Variants in HHLA2 observed in about 807,000 individuals in gnomAD.
The protein encoded by HHLA2 is HERV-H LTR-associating protein 2.
A neutral mutation model predicts 45.9 loss-of-function variants in HHLA2; 48 were observed. The ratio of observed to expected loss-of-function variants is 1.05; its 90% CI spans 0.83 to 1.33. The LOEUF (loss-of-function observed/expected upper bound fraction) is 1.33. Ranked by LOEUF, HHLA2 falls within the 40% of genes most tolerant of loss-of-function variation. The pLI is 0.00. For missense variants in HHLA2, 462 were observed against 494.3 expected (o/e 0.93, Z 0.62); for synonymous variants, 161 against 173.9 (o/e 0.93, Z 0.59).
intron 2 of HHLA2, among the ~76,000 whole-genome samples, chr3:108,317,324 C>T (rs1174859752): frequency 2.0e-5 from 3 of 152,152 alleles, no homozygotes; most frequent in Non-Finnish European, 4.4e-5. Context: ...ACACATTCTT[C>T]ACTATCCTCT....
intron 3 of HHLA2, among the ~76,000 whole-genome samples, chr3:108,342,086 T>C (rs2081581479): frequency 6.6e-6 from 1 of 152,188 alleles, no homozygotes; most frequent in South Asian, 2.1e-4. Context: ...AGTCGCGTCC[T>C]GCAACACAGC....
chr3:108,342,843 A>G (rs1015297031), intron 3 of HHLA2, among the ~76,000 whole-genome samples: 3 of 152,136 alleles, frequency 2.0e-5, no homozygotes, highest in Admixed American at 2.0e-4. Context: ...CTCAAACCTA[A>G]TGCTTTGAGA....
intron 2 of HHLA2, among the ~76,000 whole-genome samples, chr3:108,318,349 A>G (rs2081139426): frequency 1.3e-5 from 2 of 152,146 alleles, no homozygotes; most frequent in African/African-American, 4.8e-5. Flanking sequence ...GCCATGGATA[A>G]AATCCTAACT....
At chr3:108,356,622 T>G (rs2081898229) in intron 6 of HHLA2, among the ~76,000 whole-genome samples, 2 of 152,210 alleles carry the variant, frequency 1.3e-5, no homozygotes, top group Admixed American at 1.3e-4. Flanking sequence ...TCCTAATTTC[T>G]CATGTTCATT....
At chr3:108,323,404 G>A (rs527997232) in intron 2 of HHLA2, among the ~76,000 whole-genome samples, 8 of 152,096 alleles carry the variant, frequency 5.3e-5, no homozygotes, top group South Asian at 4.2e-4. Context: ...TATACCTACT[G>A]TGTACCCATA....
intron 3 of HHLA2, among the ~76,000 whole-genome samples, chr3:108,348,748 A>T (rs185269825): frequency 6.6e-6 from 1 of 152,132 alleles, no homozygotes; most frequent in Admixed American, 6.6e-5. Flanking sequence ...TGCTGCACCC[A>T]TCAACCCGTC....
At chr3:108,335,162 GT>G (rs1486575070) in intron 3 of HHLA2, among the ~76,000 whole-genome samples, 1 of 152,180 alleles carries the variant, frequency 6.6e-6, no homozygotes, top group East Asian at 1.9e-4. Context: ...AGATGTTTGA[GT>G]TTTAGATTCT....
chr3:108,365,303 T>G (rs957865814), intron 8 of HHLA2, among the ~76,000 whole-genome samples: 4 of 152,082 alleles, frequency 2.6e-5, no homozygotes, highest in African/African-American at 9.7e-5. Context: ...GATCGAATGG[T>G]TGTAGATGTG....
chr3:108,297,938 T>C (rs143008584), intron 1 of HHLA2, among the ~76,000 whole-genome samples: 1 of 152,366 alleles, frequency 6.6e-6, no homozygotes, highest in African/African-American at 2.4e-5. Context: ...GAGGTTGTCA[T>C]GTCAACTCTA....
At chr3:108,371,404 G>T (rs1218903923) in intron 8 of HHLA2, among the ~76,000 whole-genome samples, 4 of 152,212 alleles carry the variant, frequency 2.6e-5, no homozygotes, top group Non-Finnish European at 5.9e-5. Flanking sequence ...AGGCTAGGAA[G>T]AAACTGCATC....
intron 3 of HHLA2, among the ~76,000 whole-genome samples, chr3:108,341,477 T>A (rs1439473068): frequency 6.6e-6 from 1 of 152,194 alleles, no homozygotes. Context: ...ATTAAAAGTG[T>A]TTTTGCTACC....
chr3:108,367,357 T>C (rs1440554466), intron 8 of HHLA2, among the ~76,000 whole-genome samples: 1 of 152,052 alleles, frequency 6.6e-6, no homozygotes, highest in African/African-American at 2.4e-5. Context: ...GAGAAAGAGT[T>C]TGACAAATTG....
At chr3:108,345,590 G>A (rs1005756754) in intron 3 of HHLA2, among the ~76,000 whole-genome samples, 1 of 152,138 alleles carries the variant, frequency 6.6e-6, no homozygotes, top group African/African-American at 2.4e-5. Context: ...GTCACCAGCT[G>A]ACCCGTCTCC....
intron 7 of HHLA2, among the ~76,000 whole-genome samples, chr3:108,358,628 G>C (rs1026581292): frequency 3.3e-5 from 5 of 152,128 alleles, no homozygotes; most frequent in African/African-American, 1.2e-4. Flanking sequence ...TATATTCCTA[G>C]TTCAGTTCAT....
chr3:108,297,820 C>T (rs2080787551), intron 1 of HHLA2, among the ~76,000 whole-genome samples: 1 of 152,136 alleles, frequency 6.6e-6, no homozygotes, highest in Non-Finnish European at 1.5e-5. Context: ...TAGACCATAG[C>T]TTAATATTTT....
intron 3 of HHLA2, among the ~76,000 whole-genome samples, chr3:108,346,959 C>T (rs915593628): frequency 1.3e-5 from 2 of 152,048 alleles, no homozygotes; most frequent in Non-Finnish European, 2.9e-5. Flanking sequence ...TTCTTTTTTG[C>T]CATATTCTAT....
chr3:108,301,767 T>C (rs1162307913), intron 1 of HHLA2, among the ~76,000 whole-genome samples: 1 of 152,152 alleles, frequency 6.6e-6, no homozygotes, highest in Non-Finnish European at 1.5e-5. Flanking sequence ...TCTTGCCTCC[T>C]CCTTTCTTCT....
intron 2 of HHLA2, chr3:108,328,205 T>C (rs2081322395): frequency 1.4e-6 from 1 of 716,788 alleles, no homozygotes; most frequent in African/African-American, 1.9e-5. Context: ...AATTTGTTTT[T>C]ATTTTACTGG....
intron 6 of HHLA2, among the ~76,000 whole-genome samples, chr3:108,356,496 A>G (rs932809486): frequency 2.0e-5 from 3 of 152,184 alleles, no homozygotes; most frequent in Non-Finnish European, 4.4e-5. Context: ...CCACATTTAC[A>G]TGAGTCCAGT....
Sources: allele counts gnomAD v4.1 joint callset (sites outside exome capture counted in the v4.1 genomes callset), GRCh38; gene constraint gnomAD v4.1.1; transcripts MANE v1.5; gene names NCBI Gene and HGNC (gene_info 2026-07-23, HGNC 2026-07-21).